The following MDH1B variants were observed in gnomAD, a reference collection of about 807,000 sequenced individuals.
The protein encoded by MDH1B is putative malate dehydrogenase 1B.
A neutral mutation model predicts 61.4 loss-of-function variants in MDH1B; 60 were observed. That is an observed-to-expected ratio of 0.98 (90% CI 0.79 to 1.21). The LOEUF (loss-of-function observed/expected upper bound fraction) is 1.21. MDH1B is among the 50% of genes most tolerant of loss of function. MDH1B has a pLI of 0.00. For missense variants in MDH1B, 587 were observed against 632.1 expected (o/e 0.93, Z 0.76); for synonymous variants, 236 against 218.7 (o/e 1.08, Z -0.70).
chr2:206,742,362 T>C (rs1220801922), intron 9 of MDH1B, among the ~76,000 whole-genome samples: 1 of 152,222 alleles, frequency 6.6e-6, no homozygotes, highest in Admixed American at 6.5e-5. Context: ...AGAACCCTGA[T>C]GAAGCTGGGG....
chr2:206,760,855 A>T (rs780783409), intron 2 of MDH1B, 46 bp downstream of exon 2: 2 of 1,079,996 alleles, frequency 1.9e-6, no homozygotes, highest in African/African-American at 3.1e-5. Context: ...AAATTAAAAC[A>T]CATTTTGTGC....
chr2:206,746,532 T>TTC, intron 7 of MDH1B, 106 bp from the exon 8 acceptor site: 1 of 1,198,850 alleles, frequency 8.3e-7, no homozygotes, highest in Non-Finnish European at 1.1e-6. Flanking sequence ...GGATTTTTAA[T>TTC]GATAATGATG....
intron 2 of MDH1B, among the ~76,000 whole-genome samples, chr2:206,759,423 T>G (rs762933898): frequency 2.6e-5 from 4 of 152,234 alleles, no homozygotes; most frequent in Non-Finnish European, 5.9e-5. Context: ...TTTGCTATTG[T>G]GACTAGTGTT....
intron 1 of MDH1B, among the ~76,000 whole-genome samples, chr2:206,764,752 T>C (rs1158483563): frequency 6.6e-6 from 1 of 152,230 alleles, no homozygotes; most frequent in African/African-American, 2.4e-5. Context: ...ACCTGGCTCC[T>C]GCTCCTGTTG....
intron 7 of MDH1B, among the ~76,000 whole-genome samples, 178 bp from the exon 8 acceptor site, chr2:206,746,604 A>C (rs747581565): frequency 2.6e-5 from 4 of 152,234 alleles, no homozygotes; most frequent in Non-Finnish European, 5.9e-5. Flanking sequence ...AGAAGGATTG[A>C]CTGAGCGACT....
intron 3 of MDH1B, 27 bp downstream of exon 3, chr2:206,757,210 T>C: frequency 6.3e-7 from 1 of 1,591,478 alleles, no homozygotes; most frequent in South Asian, 1.1e-5. Flanking sequence ...ATTATCATTA[T>C]TAGAACAGAT....
At chr2:206,760,675 A>C (rs1284875279) in intron 2 of MDH1B, among the ~76,000 whole-genome samples, 3 of 152,332 alleles carry the variant, frequency 2.0e-5, no homozygotes, top group African/African-American at 4.8e-5. Context: ...AGTCAAACTT[A>C]TTCTACTTAT....
chr2:206,764,668 A>G (rs770162132), intron 1 of MDH1B, among the ~76,000 whole-genome samples: 3 of 152,164 alleles, frequency 2.0e-5, no homozygotes, highest in African/African-American at 4.8e-5. Flanking sequence ...TCCTGCTTAA[A>G]ATTTTTCTAT....
chr2:206,748,516 G>A (rs565434545), intron 7 of MDH1B, among the ~76,000 whole-genome samples: 185 of 152,254 alleles, frequency 1.2e-3, no homozygotes, highest in African/African-American at 4.1e-3. Context: ...GGTACCCTGA[G>A]ATCTGGGTCC....
At chr2:206,754,502 C>T (rs577169657) in intron 5 of MDH1B, among the ~76,000 whole-genome samples, 5 of 152,172 alleles carry the variant, frequency 3.3e-5, no homozygotes, top group African/African-American at 1.2e-4. Flanking sequence ...TATTATGTGC[C>T]ATACACTCTT....
At position 206,751,033 on chromosome 2, in the gene MDH1B, T is replaced by A. The variant is rs1194350231; in HGVS notation, c.953A>T (p.Asn318Ile). The part of the protein sequence containing the change: ...VIIWGNISGN[N>I]YVDLRKTRVY... ...CCTTGTTTTTCTCAGATCAACGTAATTATTTCCACTGATATTACCCCAAAT... is the reference window on the plus strand; with the variant it reads ...CCTTGTTTTTCTCAGATCAACGTAAATATTTCCACTGATATTACCCCAAAT... Residue 318 changes from asparagine to isoleucine, a missense_variant, in exon 6 of 12, where the codon AAT becomes ATT. By Grantham distance (149) the Asn-to-Ile change is moderately radical. Transcript: ENST00000374412. The A allele has an allele frequency of 6.2e-7, 1 of 1,608,072 alleles. No homozygotes were observed. The highest frequency in any genetic ancestry group is 8.5e-7 in the Non-Finnish European group (1 of 1,175,956).
At position 206,756,932 on chromosome 2, in the gene MDH1B, T is replaced by G; in HGVS notation, c.379A>C (p.Thr127Pro). Residue 127 changes from threonine (T) to proline (P), a missense_variant, in exon 4 of 12, where the codon ACT becomes CCT. By Grantham distance (38) the Thr-to-Pro change is conservative (BLOSUM62 -1). Coordinates refer to ENST00000374412, the MANE Select transcript of MDH1B (RefSeq NM_001039845.3). Reference sequence around the variant, plus strand: ...CAGACCTGCAAGGGGTTGATGCAAGTTTTCAGGGCTTCTTCCTCCTGCTCT... The same window carrying G: ...CAGACCTGCAAGGGGTTGATGCAAGGTTTCAGGGCTTCTTCCTCCTGCTCT... ...EKEQEEEALK[T>P]CINPLQVWIT... The G allele has an allele frequency of 6.2e-7, 1 of 1,614,150 alleles. No individual in the cohort carries two copies. Among genetic ancestry groups the G allele is most frequent in the Non-Finnish European group, 8.5e-7 (1 of 1,180,018 alleles).
intron 1 of MDH1B, among the ~76,000 whole-genome samples, chr2:206,762,463 T>C (rs1249981446): frequency 3.3e-5 from 5 of 152,204 alleles, no homozygotes; most frequent in Admixed American, 3.3e-4. Context: ...TCTGCCTTCA[T>C]AGGAACCTTG....
chr2:206,738,563 A>T (rs1282870467), intron 11 of MDH1B, 52 bp from the exon 12 acceptor site: 2 of 1,336,164 alleles, frequency 1.5e-6, no homozygotes, highest in Non-Finnish European at 2.1e-6. Flanking sequence ...ATATGTTAGT[A>T]GCATATGTTA....
At chr2:206,755,794 A>T (rs1862089) in intron 4 of MDH1B, among the ~76,000 whole-genome samples, 35,982 of 152,046 alleles carry the variant, frequency 0.24, 5,318 homozygotes, top group East Asian at 0.71. Context: ...AAATCAAAAT[A>T]AAAAAACTAT....
intron 10 of MDH1B, among the ~76,000 whole-genome samples, chr2:206,740,754 T>A (rs753269579): frequency 1.4e-4 from 21 of 152,198 alleles, no homozygotes; most frequent in Non-Finnish European, 2.6e-4. Flanking sequence ...TTGGGCTTCA[T>A]AATAGAGAAT....
At chr2:206,742,120 C>T (rs1162965249) in intron 9 of MDH1B, among the ~76,000 whole-genome samples, 1 of 152,204 alleles carries the variant, frequency 6.6e-6, no homozygotes, top group East Asian at 1.9e-4. Flanking sequence ...CTCAGAGATT[C>T]TGTCTCCTGG....
At chr2:206,754,643 G>C (rs569810713) in intron 5 of MDH1B, among the ~76,000 whole-genome samples, 1 of 152,052 alleles carries the variant, frequency 6.6e-6, no homozygotes, top group Non-Finnish European at 1.5e-5. Flanking sequence ...AAGATCATAC[G>C]GGTGGGAAGT....
chr2:206,741,139 A>C, intron 9 of MDH1B, 35 bp from the exon 10 acceptor site: 1 of 1,611,518 alleles, frequency 6.2e-7, no homozygotes, highest in Non-Finnish European at 8.5e-7. Flanking sequence ...TGCTGGATTT[A>C]GAATATAACC....
Sources: gnomAD v4.1 joint callset for allele counts (sites outside exome capture counted in the v4.1 genomes callset) on GRCh38, gnomAD v4.1.1 for gene constraint, MANE v1.5 for transcripts, NCBI Gene and HGNC (gene_info 2026-07-23, HGNC 2026-07-21) for gene names.